Variants in ENTREP2 observed in about 807,000 individuals in gnomAD.
ENTREP2 encodes the protein endosomal transmembrane epsin interactor 2.
chr15:29,662,431 T>C, the ENTREP2 span, among the ~76,000 whole-genome samples: 1 of 152,110 alleles, frequency 6.6e-6, no homozygotes. Context: ...AATAAAAATA[T>C]TTTTTATAAT....
the ENTREP2 span, among the ~76,000 whole-genome samples, chr15:29,485,305 C>T: frequency 6.6e-6 from 1 of 152,102 alleles, no homozygotes; most frequent in African/African-American, 2.4e-5. Context: ...CAGGACCTGG[C>T]CCCTGTCTTG....
At chr15:29,140,259 G>A in the ENTREP2 span, among the ~76,000 whole-genome samples, 1 of 152,120 alleles carries the variant, frequency 6.6e-6, no homozygotes, top group Non-Finnish European at 1.5e-5. Context: ...CTCTGTACCC[G>A]TCTCACAATC....
At chr15:29,368,337 A>AAAAATATATATAT in the ENTREP2 span, among the ~76,000 whole-genome samples, 9 of 146,100 alleles carry the variant, frequency 6.2e-5, no homozygotes, top group African/African-American at 1.3e-4. Flanking sequence ...CAAAAAAAAA[A>AAAAATATATATAT]ATATATATAT....
the ENTREP2 span, among the ~76,000 whole-genome samples, chr15:29,221,290 C>T: frequency 6.6e-6 from 1 of 152,040 alleles, no homozygotes; most frequent in Non-Finnish European, 1.5e-5. Flanking sequence ...CAACCTCTGC[C>T]TCCTGGGTTC....
At chr15:29,542,322 G>C in the ENTREP2 span, among the ~76,000 whole-genome samples, 5 of 152,074 alleles carry the variant, frequency 3.3e-5, no homozygotes, top group Non-Finnish European at 7.4e-5. Context: ...GCTGCTTTAC[G>C]GAGTCTCACT....
chr15:29,515,811 G>A, the ENTREP2 span, among the ~76,000 whole-genome samples: 112 of 152,240 alleles, frequency 7.4e-4, no homozygotes, highest in African/African-American at 2.6e-3. Context: ...TGTATCCCCT[G>A]GCCATATCCC....
At chr15:29,241,955 G>T in the ENTREP2 span, among the ~76,000 whole-genome samples, 1 of 152,128 alleles carries the variant, frequency 6.6e-6, no homozygotes, top group South Asian at 2.1e-4. Flanking sequence ...GAGGTGGGAG[G>T]ATCACTTGAG....
At chr15:29,252,603 G>A in the ENTREP2 span, 1 of 536,356 alleles carries the variant, frequency 1.9e-6, no homozygotes, top group Non-Finnish European at 3.3e-6. Context: ...TGAATAACAT[G>A]TATGTGTTTT....
the ENTREP2 span, among the ~76,000 whole-genome samples, chr15:29,671,203 C>T: frequency 5.3e-5 from 8 of 152,226 alleles, no homozygotes; most frequent in Admixed American, 3.3e-4. Context: ...CGACTCCATG[C>T]GGACAGAACC....
the ENTREP2 span, among the ~76,000 whole-genome samples, chr15:29,128,426 C>T: frequency 2.0e-5 from 3 of 152,120 alleles, no homozygotes; most frequent in Non-Finnish European, 2.9e-5. Flanking sequence ...GCCGTGTGGA[C>T]ATTTGCCCGG....
the ENTREP2 span, among the ~76,000 whole-genome samples, chr15:29,252,717 T>G: frequency 6.6e-6 from 1 of 152,208 alleles, no homozygotes; most frequent in Admixed American, 6.5e-5. Context: ...TGATTTTGTT[T>G]AAAACCTATG....
the ENTREP2 span, among the ~76,000 whole-genome samples, chr15:29,178,848 T>C: frequency 1.3e-5 from 2 of 152,184 alleles, no homozygotes; most frequent in Non-Finnish European, 2.9e-5. Flanking sequence ...AGAACATTTT[T>C]TAAAAGGGAA....
the ENTREP2 span, among the ~76,000 whole-genome samples, chr15:29,273,341 GGT>G: frequency 6.6e-6 from 1 of 151,714 alleles, no homozygotes; most frequent in Non-Finnish European, 1.5e-5. Context: ...TAGGATTACA[GGT>G]GTGTACCACC....
the ENTREP2 span, among the ~76,000 whole-genome samples, chr15:29,355,522 A>C: frequency 6.6e-6 from 1 of 151,590 alleles, no homozygotes; most frequent in Non-Finnish European, 1.5e-5. Context: ...AAAAAACCTC[A>C]CACTTGGAGG....
chr15:29,444,205 A>C, the ENTREP2 span, among the ~76,000 whole-genome samples: 8 of 147,630 alleles, frequency 5.4e-5, no homozygotes, highest in African/African-American at 2.1e-4. Context: ...AAAGAAAGAA[A>C]GAAAGAAAGA....
At chr15:29,164,821 C>A in the ENTREP2 span, among the ~76,000 whole-genome samples, 1 of 152,070 alleles carries the variant, frequency 6.6e-6, no homozygotes, top group Non-Finnish European at 1.5e-5. Flanking sequence ...TACCTTGGAA[C>A]AAATGGACTT....
chr15:29,126,656 G>A, the ENTREP2 span, among the ~76,000 whole-genome samples: 2 of 152,210 alleles, frequency 1.3e-5, no homozygotes, highest in Admixed American at 1.3e-4. Context: ...GAAAGTTGGG[G>A]GCACCAGATG....
the ENTREP2 span, among the ~76,000 whole-genome samples, chr15:29,391,091 C>T: frequency 6.6e-6 from 1 of 152,072 alleles, no homozygotes; most frequent in East Asian, 1.9e-4. Context: ...GTCAATTCTC[C>T]TTGCTTTGGG....
the ENTREP2 span, among the ~76,000 whole-genome samples, chr15:29,510,120 T>C: frequency 0.013 from 2,054 of 152,288 alleles, 41 homozygotes; most frequent in African/African-American, 0.047. Flanking sequence ...AAAGAAGACA[T>C]TTATGTAGCC....
Sources: allele counts gnomAD v4.1 joint callset (sites outside exome capture counted in the v4.1 genomes callset), GRCh38; gene constraint gnomAD v4.1.1; transcripts MANE v1.5; gene names NCBI Gene and HGNC (gene_info 2026-07-23, HGNC 2026-07-21).